IL2RA: variants seen among roughly 807,000 people sequenced by gnomAD.
IL2RA encodes interleukin-2 receptor subunit alpha.
IL2RA carries 24 observed loss-of-function variants against 37.8 expected under a neutral mutation model. That is an observed-to-expected ratio of 0.63 (90% CI 0.46 to 0.89). The LOEUF is 0.89. Among genes scored for constraint, IL2RA ranks in the 40% least tolerant of loss-of-function variants. The pLI, the probability that IL2RA is intolerant of heterozygous loss-of-function variation, is 0.00. For synonymous variants in IL2RA, 125 were observed against 114.6 expected (o/e 1.09, Z -0.58); for missense variants, 319 against 348.6 (o/e 0.92, Z 0.68).
intron 1 of IL2RA, among the ~76,000 whole-genome samples, chr10:6,059,212 T>C (rs746358523): frequency 7.4e-4 from 113 of 152,364 alleles, no homozygotes; most frequent in Non-Finnish European, 1.3e-3. Context: ...AAGAGCCTCA[T>C]GACCTGTCTC....
Position 6,047,607 on chromosome 10 carries a change from CGT to C in IL2RA, c.64+14479_64+14480del, listed in dbSNP as rs1204470106. 1.3e-5 allele frequency among the ~76,000 whole-genome samples: 2 copies of C among 151,400 alleles called. No individual in the cohort carries two copies. The highest frequency in any genetic ancestry group is 6.6e-5 in the Admixed American group (1 of 15,190). On this transcript the variant is annotated intron_variant, in intron 1 of 7. Transcript: ENST00000379959. This position sits in a 1 kb window ranked among gnomAD's most constrained non-coding sequence, Gnocchi z 5.0. ...TATTATGAATATGAAGGATAATTAACGTATCTATTATTTTATTAGACATCACA... is the reference window on the plus strand; with the variant it reads ...TATTATGAATATGAAGGATAATTAACATCTATTATTTTATTAGACATCACA...
Position 6,021,110 on chromosome 10 carries a change from A to C in IL2RA, c.583+368T>G, listed in dbSNP as rs1490123080. 2.0e-5 allele frequency among the ~76,000 whole-genome samples: 3 copies of C among 152,118 alleles called. No homozygotes were observed. Among genetic ancestry groups the C allele is most frequent in the Admixed American group, 2.0e-4 (3 of 15,278 alleles). ...TCACCAGTAAGAGGAAAAATGTGTG[A>C]GTGGGAAACTGGACTTGCCCTTGGA... On this transcript the variant is annotated intron_variant, in intron 4 of 7. Transcript: ENST00000379959. The surrounding 1 kb of genome is among the most constrained non-coding windows in gnomAD (Gnocchi z 4.9).
rs866414191 is a variant in IL2RA at position 6,061,944 on chromosome 10, C to T, written c.64+144G>A. On this transcript the variant is annotated intron_variant, in intron 1 of 7. Coordinates refer to ENST00000379959, the MANE Select transcript of IL2RA (RefSeq NM_000417.3). ...ACAGTGAGGCATAAACTGGGGTCCCCGTGGGTCACAGGCAAGAGGTGGAAC... is the reference window on the plus strand; with the variant it reads ...ACAGTGAGGCATAAACTGGGGTCCCTGTGGGTCACAGGCAAGAGGTGGAAC... 7.3e-5 allele frequency: 49 copies of T among 674,180 alleles called. No homozygotes were observed. The Middle Eastern group carries it at 6.0e-3, about 83-fold the overall frequency. The allele number at this position is 674,180 out of a possible 1,614,324, so 41.8% of individuals were successfully genotyped here.
At chr10:6,052,640 C>T (rs190585784) in intron 1 of IL2RA, among the ~76,000 whole-genome samples, 16 of 133,016 alleles carry the variant, frequency 1.2e-4, no homozygotes, top group Admixed American at 2.2e-4. Flanking sequence ...GGAGAAAACG[C>T]GCCCCCCCTC....
chr10:6,016,816 A>G (rs1015397085), intron 7 of IL2RA, among the ~76,000 whole-genome samples: 10 of 151,956 alleles, frequency 6.6e-5, no homozygotes, highest in Non-Finnish European at 1.5e-4. Flanking sequence ...TCAGGTAACC[A>G]CCTGCCTCAG....
rs12722706 is a variant in IL2RA at position 6,014,453 on chromosome 10, A to C, written c.795-1557T>G. On this transcript the variant is annotated intron_variant, in intron 7 of 7. Transcript: ENST00000379959. This position sits in a 1 kb window ranked among gnomAD's most constrained non-coding sequence, Gnocchi z 4.4. The stretch of plus-strand genomic sequence containing the variant: ...TCCCCAAAGATTGTAGTTCTGGGAG[A>C]CCTTGTGGGAACTCACATAGGTTCA... Among the ~76,000 whole-genome samples, 561 of 152,232 alleles carry C rather than the reference A, an allele frequency of 3.7e-3. 2 individuals carry two copies. The highest frequency in any genetic ancestry group is 0.013 in the African/African-American group (528 of 41,538).
chr10:6,055,814 C>T (rs1174323045), intron 1 of IL2RA, among the ~76,000 whole-genome samples: 69 of 6,706 alleles, frequency 0.01, 14 homozygotes, highest in African/African-American at 0.016. Context: ...CCGGACGGGG[C>T]GGCTGGCCGG....
intron 6 of IL2RA, 21 bp downstream of exon 6, chr10:6,019,407 C>T (rs1839340905): frequency 6.3e-7 from 1 of 1,583,364 alleles, no homozygotes; most frequent in Non-Finnish European, 8.7e-7. Context: ...ATTTTGTCCA[C>T]AAAGCCAGTG....
At chr10:6,030,665 T>C (rs1839561994) in intron 1 of IL2RA, among the ~76,000 whole-genome samples, 1 of 152,176 alleles carries the variant, frequency 6.6e-6, no homozygotes, top group Non-Finnish European at 1.5e-5. Flanking sequence ...GAAATTACAC[T>C]AGCTAGAAAC....
intron 1 of IL2RA, among the ~76,000 whole-genome samples, chr10:6,042,148 CAAAA>C (rs57093239): frequency 1.5e-4 from 8 of 54,134 alleles, no homozygotes; most frequent in South Asian, 8.5e-4. Context: ...ATGTATTAAG[CAAAA>C]AAAAAAAAAA....
intron 1 of IL2RA, among the ~76,000 whole-genome samples, chr10:6,059,703 G>T (rs997692058): frequency 5.9e-5 from 9 of 152,190 alleles, no homozygotes; most frequent in Admixed American, 2.6e-4. Flanking sequence ...GCTCCCTAAG[G>T]CACTCCTGTG....
intron 1 of IL2RA, among the ~76,000 whole-genome samples, chr10:6,037,684 C>T (rs1839711860): frequency 6.6e-6 from 1 of 152,106 alleles, no homozygotes; most frequent in African/African-American, 2.4e-5. Context: ...TGTCAGAGAC[C>T]CGAATCTTCC....
chr10:6,017,572 ATTTTTTTTTTT>A (rs71390109), intron 7 of IL2RA, among the ~76,000 whole-genome samples: 2 of 104,860 alleles, frequency 1.9e-5, no homozygotes, highest in African/African-American at 7.4e-5. Flanking sequence ...TGGTCGTTTA[ATTTTTTTTTTT>A]TTTTTTTTTT....
Position 6,035,994 on chromosome 10 carries a change from G to C in IL2RA, c.65-9969C>G, listed in dbSNP as rs1839674734. 1 of 152,300 alleles carries C rather than the reference G, an allele frequency of 6.6e-6. No homozygotes were observed. Among genetic ancestry groups the C allele is most frequent in the South Asian group, 2.1e-4 (1 of 4,834 alleles). 9.4% of individuals were successfully genotyped at this position (152,300 alleles called of 1,614,324 possible). The stretch of plus-strand genomic sequence containing the variant: ...CCCTTGGGAGCTTTTGCCTTGTCTG[G>C]CTGACGCCTTGGCAATCGCAAGTGA... On this transcript the variant is annotated intron_variant, in intron 1 of 7. Coordinates refer to ENST00000379959, the MANE Select transcript of IL2RA (RefSeq NM_000417.3). This position sits in a 1 kb window ranked among gnomAD's most constrained non-coding sequence, Gnocchi z 5.4.
chr10:6,023,316 G>C (rs1350798747), intron 3 of IL2RA, among the ~76,000 whole-genome samples: 2 of 152,094 alleles, frequency 1.3e-5, no homozygotes, highest in Non-Finnish European at 2.9e-5. Context: ...AGCAGGTTCT[G>C]TGGGTTTTTT....
intron 1 of IL2RA, among the ~76,000 whole-genome samples, chr10:6,032,877 C>T (rs569880143): frequency 7.6e-4 from 116 of 152,148 alleles, no homozygotes; most frequent in African/African-American, 2.3e-3. Context: ...AGAAGATACA[C>T]GACTATCAAT....
rs1428082624 is a variant in IL2RA, at chr10:6,014,249, G to A, written c.795-1353C>T. Reference sequence around the variant, plus strand: ...CATCACGGGCTCCTGGTCATTGCCCGAAACAAACAAAAAATATTTCCCCAA... The same window carrying A: ...CATCACGGGCTCCTGGTCATTGCCCAAAACAAACAAAAAATATTTCCCCAA... On this transcript the variant is annotated intron_variant, in intron 7 of 7. Transcript: ENST00000379959. This position sits in a 1 kb window ranked among gnomAD's most constrained non-coding sequence, Gnocchi z 4.4. Among the ~76,000 whole-genome samples the A allele has an allele frequency of 1.3e-5, 2 of 152,134 alleles. No homozygotes were observed. The highest frequency in any genetic ancestry group is 4.8e-5 in the African/African-American group (2 of 41,422).
At position 6,046,358 on chromosome 10, in the gene IL2RA, G is replaced by A. The variant is rs1839859207; in HGVS notation, c.64+15730C>T. ...GCTAGTCTACTGTGATTTTGCTTAAGAAGGGTTCAGTAGAGACAAACAGCA... is the reference window on the plus strand; with the variant it reads ...GCTAGTCTACTGTGATTTTGCTTAAAAAGGGTTCAGTAGAGACAAACAGCA... On this transcript the variant is annotated intron_variant, in intron 1 of 7. Coordinates refer to ENST00000379959, the MANE Select transcript of IL2RA (RefSeq NM_000417.3). This position sits in a 1 kb window ranked among gnomAD's most constrained non-coding sequence, Gnocchi z 4.8. Among the ~76,000 whole-genome samples, 1 of 152,190 alleles carries A rather than the reference G, an allele frequency of 6.6e-6. No individual in the cohort carries two copies. The highest frequency in any genetic ancestry group is 6.5e-5 in the Admixed American group (1 of 15,284).
rs761186913 is a variant in IL2RA, at chr10:6,027,274, C to T, written c.65-1249G>A. On this transcript the variant is annotated intron_variant, in intron 1 of 7. Transcript: ENST00000379959. ...CCAGGAGGCAGAGGTTGCAGTGGGC[C>T]GAGATCACGCCACTGCACTCCAGCC... Among the ~76,000 whole-genome samples, 9 of 151,768 alleles carry T rather than the reference C, an allele frequency of 5.9e-5. No individual in the cohort carries two copies. The East Asian group carries it at 1.4e-3, about 23-fold the overall frequency.
Sources: gnomAD v4.1 joint callset for allele counts (sites outside exome capture counted in the v4.1 genomes callset) on GRCh38, gnomAD v4.1.1 for gene constraint, Gnocchi (gnomAD v3.1) non-coding constraint, MANE v1.5 for transcripts, NCBI Gene and HGNC (gene_info 2026-07-23, HGNC 2026-07-21) for gene names.